CAMK2B: variants seen among roughly 807,000 people sequenced by gnomAD.
The protein encoded by CAMK2B is calcium/calmodulin dependent protein kinase II beta.
CAMK2B carries 27 observed loss-of-function variants against 93.7 expected under a neutral mutation model. The observed-to-expected ratio is 0.29, with a 90% CI of 0.21 to 0.40. The LOEUF (loss-of-function observed/expected upper bound fraction) is 0.40, where lower values mean the gene tolerates loss of function less well. CAMK2B is among the 10% of genes least tolerant of loss of function. The pLI, the probability that CAMK2B is intolerant of heterozygous loss-of-function variation, is 1.00. For missense variants in CAMK2B, 568 were observed against 895.8 expected (o/e 0.63, Z 4.67); for synonymous variants, 374 against 358.8 (o/e 1.04, Z -0.48).
In CAMK2B at chr7:44,291,279, C is replaced by G. The variant is rs1226649565; in HGVS notation, c.66-7054G>C. ...GTTTGGGCTCCTGAGGAGTTTCGGA[C>G]AAGCAGGTGCCCCGCCAGGCAGGAG... On this transcript the variant is annotated intron_variant, in intron 1 of 23. Coordinates refer to ENST00000395749, the MANE Select transcript of CAMK2B (RefSeq NM_001220.5). Among the ~76,000 whole-genome samples, 3 of 152,246 alleles carry G rather than the reference C, an allele frequency of 2.0e-5. No individual in the cohort carries two copies. The East Asian group carries it at 5.8e-4, about 29-fold the overall frequency.
chr7:44,261,986 C>G (rs2096882658), intron 3 of CAMK2B, among the ~76,000 whole-genome samples: 1 of 152,216 alleles, frequency 6.6e-6, no homozygotes, highest in South Asian at 2.1e-4. Flanking sequence ...GCCCCGGGCC[C>G]TGGAGTTGGG....
chr7:44,264,131 G>A (rs2096903538), intron 2 of CAMK2B: 1 of 152,904 alleles, frequency 6.5e-6, no homozygotes, highest in South Asian at 2.1e-4. Flanking sequence ...AGGGCCTGGG[G>A]GCACATAATT....
chr7:44,303,764 G>A (rs1224378343), intron 1 of CAMK2B, among the ~76,000 whole-genome samples: 2 of 152,158 alleles, frequency 1.3e-5, no homozygotes, highest in African/African-American at 4.8e-5. Context: ...TTAATTAAAA[G>A]TAAAAAGTTC....
chr7:44,281,698 C>T (rs908600735), intron 2 of CAMK2B, among the ~76,000 whole-genome samples: 2 of 152,192 alleles, frequency 1.3e-5, no homozygotes. Context: ...CCACACGGCT[C>T]AGTCTCTGGA....
At chr7:44,295,444 G>T (rs569208642) in intron 1 of CAMK2B, among the ~76,000 whole-genome samples, 3 of 152,352 alleles carry the variant, frequency 2.0e-5, no homozygotes, top group Admixed American at 6.5e-5. Context: ...AAAATCAAGT[G>T]TGCAGAATCA....
intron 2 of CAMK2B, among the ~76,000 whole-genome samples, chr7:44,270,487 C>T (rs1016701908): frequency 7.9e-5 from 12 of 152,336 alleles, no homozygotes; most frequent in African/African-American, 2.9e-4. Context: ...AGGGCTCTGA[C>T]CCAAGCCTGA....
At chr7:44,308,799 C>T (rs1368552604) in intron 1 of CAMK2B, among the ~76,000 whole-genome samples, 1 of 152,184 alleles carries the variant, frequency 6.6e-6, no homozygotes, top group Non-Finnish European at 1.5e-5. Flanking sequence ...AGCAGCAGGC[C>T]TTGCACATCA....
chr7:44,220,366 G>A, intron 22 of CAMK2B, 72 bp from the exon 23 acceptor site: 1 of 1,209,984 alleles, frequency 8.3e-7, no homozygotes, highest in Non-Finnish European at 1.2e-6. Context: ...CACCCCACCA[G>A]CCTAATCCTT....
At chr7:44,232,624 G>A (rs528646247) in intron 16 of CAMK2B, among the ~76,000 whole-genome samples, 198 bp downstream of exon 16, 49 of 152,358 alleles carry the variant, frequency 3.2e-4, no homozygotes, top group African/African-American at 1.1e-3. Flanking sequence ...AGCACCTCCA[G>A]GGGCGCGCCT....
intron 2 of CAMK2B, among the ~76,000 whole-genome samples, chr7:44,274,008 C>T (rs2097003681): frequency 6.6e-6 from 1 of 152,180 alleles, no homozygotes; most frequent in African/African-American, 2.4e-5. Context: ...AGCAGTCCCG[C>T]ACACTGCTAT....
chr7:44,315,614 G>A (rs1794671076), intron 1 of CAMK2B, among the ~76,000 whole-genome samples: 1 of 152,100 alleles, frequency 6.6e-6, no homozygotes. Flanking sequence ...TGCAAAAAAC[G>A]CAGCTGGAAT....
chr7:44,232,960 G>A, intron 15 of CAMK2B, 94 bp from the exon 16 acceptor site: 1 of 1,158,932 alleles, frequency 8.6e-7, no homozygotes, highest in Non-Finnish European at 1.3e-6. Flanking sequence ...GGAGACAGAG[G>A]AGGTGTGGGT....
At chr7:44,283,491 G>A (rs915181883) in intron 2 of CAMK2B, among the ~76,000 whole-genome samples, 1 of 152,198 alleles carries the variant, frequency 6.6e-6, no homozygotes, top group African/African-American at 2.4e-5. Flanking sequence ...ACCACTCAAG[G>A]CCCTTCCTCG....
intron 13 of CAMK2B, among the ~76,000 whole-genome samples, chr7:44,236,854 A>C (rs1431390535): frequency 6.6e-6 from 1 of 152,156 alleles, no homozygotes; most frequent in African/African-American, 2.4e-5. Context: ...CAGCTGCCCG[A>C]CACAGCTGGG....
chr7:44,254,441 G>A (rs2096812968), intron 5 of CAMK2B, 101 bp downstream of exon 5: 2 of 857,568 alleles, frequency 2.3e-6, no homozygotes, highest in Non-Finnish European at 4.0e-6. Context: ...GGGATGCTCA[G>A]CACCAGACGT....
chr7:44,246,454 CAT>C lies in CAMK2B; in HGVS notation c.414+664_414+665del, dbSNP rs201705015. Among the ~76,000 whole-genome samples the C allele has an allele frequency of 7.9e-5, 12 of 152,086 alleles. No homozygotes were observed. The East Asian group carries it at 1.9e-3, about 25-fold the overall frequency. ...ACATGCCCACACAGACACACACACA[CAT>C]GCATACACGCACACATGTACCCACA... On this transcript the variant is annotated intron_variant, in intron 6 of 23. Transcript: ENST00000395749.
At position 44,287,486 on chromosome 7, in the gene CAMK2B, T is replaced by C. The variant is rs563550397; in HGVS notation, c.66-3261A>G. ...TCCCCTTCCTGGTGGTTCTGCCACT[T>C]GCCAGACGGCAATCTGTCACGGGAA... On this transcript the variant is annotated intron_variant, in intron 1 of 23. Transcript: ENST00000395749. Among the ~76,000 whole-genome samples, 3 of 152,294 alleles carry C rather than the reference T, an allele frequency of 2.0e-5. No homozygotes were observed. In the East Asian group the frequency reaches 5.8e-4, roughly 29 times the overall value.
chr7:44,321,622 T>C (rs567566107), intron 1 of CAMK2B, among the ~76,000 whole-genome samples: 11 of 152,186 alleles, frequency 7.2e-5, no homozygotes, highest in Non-Finnish European at 1.5e-4. Flanking sequence ...TGTTACAACA[T>C]GGCCCAGCCC....
intron 1 of CAMK2B, among the ~76,000 whole-genome samples, chr7:44,298,942 G>A (rs2129170059): frequency 6.6e-6 from 1 of 152,140 alleles, no homozygotes; most frequent in Non-Finnish European, 1.5e-5. Flanking sequence ...TGCATTGCTG[G>A]TGGGAATGTA....
Sources: gnomAD v4.1 joint callset for allele counts (sites outside exome capture counted in the v4.1 genomes callset) on GRCh38, gnomAD v4.1.1 for gene constraint, MANE v1.5 for transcripts, NCBI Gene and HGNC (gene_info 2026-07-23, HGNC 2026-07-21) for gene names.